The following NADK2 variants were observed in gnomAD, a reference collection of about 807,000 sequenced individuals.
NADK2 encodes the protein NAD kinase 2, mitochondrial, also known as NAD kinase domain-containing protein 1, mitochondrial.
Under a neutral mutation model 62.1 loss-of-function variants are expected in NADK2, and 35 were observed. The ratio of observed to expected loss-of-function variants is 0.56; its 90% CI spans 0.43 to 0.75. The LOEUF (loss-of-function observed/expected upper bound fraction) is 0.75. Among genes scored for constraint, NADK2 ranks in the 30% least tolerant of loss-of-function variants. The pLI, the probability that NADK2 is intolerant of heterozygous loss-of-function variation, is 0.00. For synonymous variants in NADK2, 205 were observed against 207.9 expected, an observed-to-expected ratio of 0.99 and a Z score of 0.12; for missense variants, 439 against 561.3, an observed-to-expected ratio of 0.78 and a Z score of 2.20.
chr5:36,197,411 G>C (rs1004967064), intron 11 of NADK2, 130 bp downstream of exon 11: 27 of 1,181,852 alleles, frequency 2.3e-5, no homozygotes, highest in African/African-American at 3.1e-5. Flanking sequence ...TACTTTCACA[G>C]GTTCTACTTT....
rs3761973 is a variant in NADK2 at position 36,217,895 on chromosome 5, T to A, written c.645-11A>T. 0.38 allele frequency: 607,378 copies of A among 1,608,604 alleles called. 116,406 individuals are homozygous for A. The highest frequency in any genetic ancestry group is 0.44 in the South Asian group (39,668 of 90,422). ...TGCCTCCACAACCACCTTAGAAAAATGAAGAAAAGGCAAATTATGTTAAAA... is the reference window on the plus strand; with the variant it reads ...TGCCTCCACAACCACCTTAGAAAAAAGAAGAAAAGGCAAATTATGTTAAAA... On this transcript the variant is annotated splice_polypyrimidine_tract_variant and intron_variant, in intron 5 of 11. Coordinates refer to ENST00000381937, the MANE Select transcript of NADK2 (RefSeq NM_001085411.3).
intron 11 of NADK2, among the ~76,000 whole-genome samples, chr5:36,195,963 A>C (rs1372971905): frequency 7.3e-6 from 1 of 136,232 alleles, no homozygotes; most frequent in Non-Finnish European, 1.7e-5. Context: ...ATATTAGTAC[A>C]TGTAATAGTA....
chr5:36,214,237 G>A lies in NADK2; in HGVS notation c.782-2315C>T, dbSNP rs577670115. Among the ~76,000 whole-genome samples, 25 of 151,982 alleles carry A rather than the reference G, an allele frequency of 1.6e-4. 1 individual carries two copies. In the East Asian group the frequency reaches 3.9e-3, roughly 24 times the overall value. ...GCTCTTGTTGCCCAGGCTGGAGTGC[G>A]ATGGCACAATCTCGGCTCACTGCAA... On this transcript the variant is annotated intron_variant, in intron 6 of 11. Transcript: ENST00000381937.
intron 2 of NADK2, among the ~76,000 whole-genome samples, chr5:36,226,777 G>A (rs1034413730): frequency 1.6e-4 from 24 of 152,044 alleles, no homozygotes; most frequent in African/African-American, 5.1e-4. Flanking sequence ...TGAATAAATC[G>A]AAAGTTATAT....
At chr5:36,227,244 G>A (rs1172558810) in intron 2 of NADK2, among the ~76,000 whole-genome samples, 1 of 152,120 alleles carries the variant, frequency 6.6e-6, no homozygotes, top group Non-Finnish European at 1.5e-5. Flanking sequence ...TACAGAAGAT[G>A]CATTTCTCTG....
intron 1 of NADK2, among the ~76,000 whole-genome samples, chr5:36,235,872 T>C (rs755277031): frequency 2.4e-5 from 3 of 123,016 alleles, no homozygotes; most frequent in Non-Finnish European, 5.0e-5. Flanking sequence ...TATCTAGTGG[T>C]TTATTATGAA....
chr5:36,229,018 C>G (rs1479468256), intron 1 of NADK2, among the ~76,000 whole-genome samples: 1 of 152,026 alleles, frequency 6.6e-6, no homozygotes, highest in Non-Finnish European at 1.5e-5. Flanking sequence ...ACATATTTTA[C>G]TTTTTAAAGG....
intron 4 of NADK2, chr5:36,221,931 A>G (rs1329020140): frequency 6.6e-6 from 1 of 152,192 alleles, no homozygotes; most frequent in African/African-American, 2.4e-5. Flanking sequence ...TTCAGGGAAT[A>G]TTTACTCAGC....
intron 7 of NADK2, among the ~76,000 whole-genome samples, chr5:36,210,714 G>C (rs995190041): frequency 6.6e-6 from 1 of 152,156 alleles, no homozygotes; most frequent in African/African-American, 2.4e-5. Flanking sequence ...TCCTTAATTG[G>C]ATCCTGGTTA....
chr5:36,222,921 G>T (rs6451265), intron 4 of NADK2, among the ~76,000 whole-genome samples: 140,801 of 152,222 alleles, frequency 0.92, 65,609 homozygotes, highest in Non-Finnish European at 0.98. Flanking sequence ...AGAGTTTATT[G>T]GTACATGTTA....
intron 1 of NADK2, among the ~76,000 whole-genome samples, chr5:36,232,570 G>A (rs1747746388): frequency 8.3e-6 from 1 of 119,994 alleles, no homozygotes; most frequent in Non-Finnish European, 2.2e-5. Context: ...CAGACCTAGT[G>A]CACTGAACCC....
chr5:36,219,701 T>C (rs760676232), intron 4 of NADK2, 22 bp from the exon 5 acceptor site: 1 of 1,599,916 alleles, frequency 6.3e-7, no homozygotes, highest in South Asian at 1.1e-5. Flanking sequence ...CAGGAATTTT[T>C]TGGTGATATA....
chr5:36,196,221 T>G (rs1746228031), intron 11 of NADK2, among the ~76,000 whole-genome samples: 1 of 152,180 alleles, frequency 6.6e-6, no homozygotes, highest in Non-Finnish European at 1.5e-5. Flanking sequence ...TGCTAGGTAA[T>G]TGCCAAACAA....
In NADK2 at chr5:36,225,562, C is replaced by T; in HGVS notation, c.540G>A (p.Gly180=). ...CTTACCGTTCTGGATCAGTGTTTACCCCTATAACTGGTTTAAGTCTGTCCA... is the reference window on the plus strand; with the variant it reads ...CTTACCGTTCTGGATCAGTGTTTACTCCTATAACTGGTTTAAGTCTGTCCA... ...KVLDRLKPVI[G]VNTDPERSEG... is the part of the protein sequence containing the mutation. The change falls in exon 4 of 12, where the codon GGG becomes GGA. Residue 180 remains glycine, a synonymous_variant. Coordinates refer to ENST00000381937, the MANE Select transcript of NADK2 (RefSeq NM_001085411.3). 6.2e-7 allele frequency: 1 copy of T among 1,613,592 alleles called. No individual in the cohort carries two copies. Among genetic ancestry groups the T allele is most frequent in the Admixed American group, 1.7e-5 (1 of 60,004 alleles).
At position 36,199,160 on chromosome 5, in the gene NADK2, C is replaced by T. The variant is rs535795796; in HGVS notation, c.1066+1067G>A. Reference sequence around the variant, plus strand: ...GGCACATGTATACATATGTAACAAACCTGCACGTTGTGCACATGTACCCTA... The same window carrying T: ...GGCACATGTATACATATGTAACAAATCTGCACGTTGTGCACATGTACCCTA... On this transcript the variant is annotated intron_variant, in intron 10 of 11. Coordinates refer to ENST00000381937, the MANE Select transcript of NADK2 (RefSeq NM_001085411.3). 3.7e-3 allele frequency among the ~76,000 whole-genome samples: 557 copies of T among 151,852 alleles called. 1 individual carries two copies. Among genetic ancestry groups the T allele is most frequent in the Admixed American group, 5.8e-3 (89 of 15,220 alleles).
rs1252597823 is a variant in NADK2 at position 36,241,336 on chromosome 5, G to A, written c.300+163C>T. The A allele has an allele frequency of 3.1e-6, 4 of 1,289,396 alleles. No individual in the cohort carries two copies. The East Asian group carries it at 1.3e-4, about 41-fold the overall frequency. 79.9% of individuals were successfully genotyped at this position (1,289,396 alleles called of 1,614,324 possible). On this transcript the variant is annotated intron_variant, in intron 1 of 11. Transcript: ENST00000381937. The surrounding 1 kb of genome is among the most constrained non-coding windows in gnomAD (Gnocchi z 4.9). The stretch of plus-strand genomic sequence containing the variant: ...CGCACACACGCCCAAAGGCAAAGGA[G>A]GCCCAGGGAGAAGCCAGAGGACCTG...
rs1015608910 is a variant in NADK2, at chr5:36,205,128, G to GA, written c.956+2041dup. Among the ~76,000 whole-genome samples, 11 of 149,192 alleles carry GA rather than the reference G, an allele frequency of 7.4e-5. No homozygotes were observed. The highest frequency in any genetic ancestry group is 5.9e-4 in the East Asian group (3 of 5,052). ...TACTGTGCATAAAAAGATTAAGCAG[G>GA]AAAAAAAAACCCCTCTAGTCGCCAT... On this transcript the variant is annotated intron_variant, in intron 8 of 11. Transcript: ENST00000381937. This position sits in a 1 kb window ranked among gnomAD's most constrained non-coding sequence, Gnocchi z 4.1.
intron 1 of NADK2, among the ~76,000 whole-genome samples, chr5:36,231,549 T>C (rs980627980): frequency 3.9e-5 from 6 of 152,156 alleles, no homozygotes; most frequent in Admixed American, 2.6e-4. Context: ...AGATAAAAAA[T>C]AAGAAAATCA....
chr5:36,230,201 T>C (rs1747655030), intron 1 of NADK2, among the ~76,000 whole-genome samples: 2 of 152,162 alleles, frequency 1.3e-5, no homozygotes, highest in Admixed American at 6.5e-5. Context: ...CTTCTGCTCC[T>C]TTCTCCTACC....
Sources: allele counts gnomAD v4.1 joint callset (sites outside exome capture counted in the v4.1 genomes callset), GRCh38; gene constraint gnomAD v4.1.1; non-coding constraint Gnocchi (gnomAD v3.1); transcripts MANE v1.5; gene names NCBI Gene and HGNC (gene_info 2026-07-23, HGNC 2026-07-21).